The following STON2 variants were observed in gnomAD, a reference collection of about 807,000 sequenced individuals.
STON2 encodes the protein stonin-2.
A neutral mutation model predicts 65.7 loss-of-function variants in STON2; 29 were observed. The observed-to-expected ratio is 0.44, with a 90% CI of 0.33 to 0.60. The LOEUF (loss-of-function observed/expected upper bound fraction) is 0.60. Ranked by LOEUF, STON2 falls within the 20% of genes least tolerant of loss-of-function variation. The probability of loss-of-function intolerance (pLI) is 0.03; values close to 1 mark genes in which losing one functional copy is unlikely to be tolerated. For synonymous variants in STON2, 404 were observed against 414.2 expected, an observed-to-expected ratio of 0.98 and a Z score of 0.30; for missense variants, 1,054 against 1,118.1, an observed-to-expected ratio of 0.94 and a Z score of 0.82.
chr14:81,361,367 G>A (rs542679350), intron 4 of STON2, among the ~76,000 whole-genome samples: 5 of 152,224 alleles, frequency 3.3e-5, no homozygotes, highest in African/African-American at 9.6e-5. Context: ...ACAGTCATTT[G>A]ATTTTTGACA....
At chr14:81,352,908 A>G (rs1171151021) in intron 4 of STON2, among the ~76,000 whole-genome samples, 1 of 152,208 alleles carries the variant, frequency 6.6e-6, no homozygotes, top group African/African-American at 2.4e-5. Context: ...ATTTTGCTCC[A>G]CACAGATGGT....
Position 81,413,259 on chromosome 14 carries a change from C to T in STON2, c.-199+13843G>A. On this transcript the variant is annotated intron_variant, in intron 2 of 8. Transcript: ENST00000553821. ...GGTTAAAAGCATGGACTGTGCCACC[C>T]ACCAGTGGTCCATCCAAAAACAAGG... 4 of 1,503,798 alleles carry T rather than the reference C, an allele frequency of 2.7e-6. 1 individual carries two copies. The highest frequency in any genetic ancestry group is 3.5e-6 in the Non-Finnish European group (4 of 1,138,574). 93.2% of individuals were successfully genotyped at this position (1,503,798 alleles called of 1,614,324 possible). A position where few individuals can be genotyped will look rare whatever the true frequency, so the allele number is the denominator to read the frequency against.
chr14:81,350,398 C>T (rs1897978695), intron 4 of STON2, among the ~76,000 whole-genome samples: 1 of 151,954 alleles, frequency 6.6e-6, no homozygotes, highest in Non-Finnish European at 1.5e-5. Context: ...GGGCTTCCAT[C>T]TCCATTGGCT....
intron 1 of STON2, among the ~76,000 whole-genome samples, 162 bp from the exon 2 acceptor site, chr14:81,398,742 C>T (rs760636388): frequency 6.6e-6 from 1 of 152,196 alleles, no homozygotes; most frequent in African/African-American, 2.4e-5. Context: ...ACCTTTTATA[C>T]TGAAATGTCT....
chr14:81,407,557 G>A (rs991398571), intron 2 of STON2, among the ~76,000 whole-genome samples: 12 of 152,056 alleles, frequency 7.9e-5, no homozygotes, highest in East Asian at 1.9e-4. Context: ...TATGAAAATC[G>A]CCACATCCAC....
chr14:81,324,051 G>A lies in STON2; in HGVS notation c.708C>T (p.Pro236=), dbSNP rs182363073. ...PSPQPKRSQN[P]GEGPEGASAP... is the part of the protein sequence containing the mutation. ...CAGAGGCCCCCTCCGGACCCTCGCC[G>A]GGGTTCTGGCTCCTCTTGGGCTGGG... The change falls in exon 5 of 8, where the codon CCC becomes CCT. Residue 236 remains proline, a synonymous_variant. Coordinates refer to ENST00000614646, the MANE Select transcript of STON2 (RefSeq NM_001394390.1). Among the ~76,000 whole-genome samples the A allele has an allele frequency of 4.7e-4, 71 of 152,338 alleles. No individual in the cohort carries two copies. The highest frequency in any genetic ancestry group is 6.8e-3 in the Middle Eastern group (2 of 294).
chr14:81,406,314 T>A (rs1007150585), intron 2 of STON2, among the ~76,000 whole-genome samples: 1 of 152,224 alleles, frequency 6.6e-6, no homozygotes, highest in Non-Finnish European at 1.5e-5. Flanking sequence ...GGCTTGGTTC[T>A]AGGCTTTGCT....
chr14:81,300,715 T>C (rs1682742455), intron 5 of STON2, among the ~76,000 whole-genome samples: 1 of 152,178 alleles, frequency 6.6e-6, no homozygotes, highest in Admixed American at 6.5e-5. Context: ...GCGTCATTGG[T>C]GAGAGTATAA....
chr14:81,428,786 CAAAT>C (rs1902104248), intron 1 of STON2, among the ~76,000 whole-genome samples: 1 of 152,116 alleles, frequency 6.6e-6, no homozygotes, highest in Admixed American at 6.6e-5. Flanking sequence ...CTAAGGCAAA[CAAAT>C]AAAATCTGTT....
At chr14:81,395,130 C>G (rs1398418036) in intron 3 of STON2, 1 of 152,170 alleles carries the variant, frequency 6.6e-6, no homozygotes, top group African/African-American at 2.4e-5. Context: ...ACCATCCCTA[C>G]CCATGAGGAT....
chr14:81,268,658 G>A (rs1231916558), intron 7 of STON2, 161 bp from the exon 8 acceptor site: 1 of 983,694 alleles, frequency 1.0e-6, no homozygotes, highest in Non-Finnish European at 1.2e-6. Context: ...AGTATATCAT[G>A]TCTCTCTCTT....
chr14:81,364,367 G>A (rs998607992), intron 4 of STON2, among the ~76,000 whole-genome samples: 1 of 152,168 alleles, frequency 6.6e-6, no homozygotes, highest in Non-Finnish European at 1.5e-5. Context: ...AGGTTCAGCA[G>A]AGCAAGAGAC....
At chr14:81,340,226 T>C (rs978321785) in intron 4 of STON2, among the ~76,000 whole-genome samples, 5 of 152,094 alleles carry the variant, frequency 3.3e-5, no homozygotes, top group African/African-American at 1.2e-4. Flanking sequence ...AGTCCATGTA[T>C]ACAAAATTCT....
chr14:81,424,559 T>C (rs1157374455), intron 2 of STON2, among the ~76,000 whole-genome samples: 4 of 151,836 alleles, frequency 2.6e-5, no homozygotes, highest in Non-Finnish European at 1.5e-5. Flanking sequence ...TCTACAATGA[T>C]ATGATTTTTA....
In STON2 at chr14:81,398,283, G is replaced by A. The variant is rs1469997388; in HGVS notation, c.88+12C>T. Reference sequence around the variant, plus strand: ...CAATCTCTTCACTTTAGGAAACGAAGGCACTCCTTACCCTGCGAGTGGGCA... The same window carrying A: ...CAATCTCTTCACTTTAGGAAACGAAAGCACTCCTTACCCTGCGAGTGGGCA... On this transcript the variant is annotated intron_variant, in intron 2 of 7. Coordinates refer to ENST00000614646, the MANE Select transcript of STON2 (RefSeq NM_001394390.1). The A allele has an allele frequency of 6.3e-7, 1 of 1,598,876 alleles. No homozygotes were observed. Among genetic ancestry groups the A allele is most frequent in the Non-Finnish European group, 8.6e-7 (1 of 1,168,508 alleles).
chr14:81,431,567 T>G (rs1490839656), intron 1 of STON2, among the ~76,000 whole-genome samples: 1 of 152,004 alleles, frequency 6.6e-6, no homozygotes, highest in Non-Finnish European at 1.5e-5. Flanking sequence ...TTACCTGAGA[T>G]CAGGAGTTCA....
intron 5 of STON2, among the ~76,000 whole-genome samples, chr14:81,319,963 C>G (rs1470631268): frequency 6.6e-6 from 1 of 152,182 alleles, no homozygotes; most frequent in African/African-American, 2.4e-5. Flanking sequence ...GTATAACAAA[C>G]TATTCCAAAA....
In STON2 at chr14:81,267,658, G is replaced by A. The variant is rs1344473898; in HGVS notation, c.*756C>T. 2 of 984,748 alleles carry A rather than the reference G, an allele frequency of 2.0e-6. No individual in the cohort carries two copies. The highest frequency in any genetic ancestry group is 3.5e-5 in the African/African-American group (2 of 57,194). The allele number at this position is 984,748 out of a possible 1,614,324, so 61.0% of individuals were successfully genotyped here. ...TAATGTCTCTTTTCTCCAAAATGAA[G>A]AAAACTAAGATTAATTTTGCCTTCC... On this transcript the variant is annotated 3_prime_UTR_variant, in exon 8 of 8. Transcript: ENST00000614646.
At position 81,277,827 on chromosome 14, in the gene STON2, C is replaced by T; in HGVS notation, c.1655G>A (p.Arg552Lys). 3.1e-6 allele frequency: 5 copies of T among 1,614,160 alleles called. No homozygotes were observed. Among genetic ancestry groups the T allele is most frequent in the Non-Finnish European group, 4.2e-6 (5 of 1,180,036 alleles). The part of the protein sequence containing the change: ...PRLQNYDENG[R>K]IHSLRIDRVT... ...ACGGTCTATCCGCAAGCTGTGGATTCTGCCATTCTCATCATAGTTTTGAAG... is the reference window on the plus strand; with the variant it reads ...ACGGTCTATCCGCAAGCTGTGGATTTTGCCATTCTCATCATAGTTTTGAAG... The change falls in exon 6 of 8, where the codon AGA becomes AAA. Residue 552 changes from arginine (R) to lysine (K), a missense_variant. Transcript: ENST00000614646.
Sources: allele counts gnomAD v4.1 joint callset (sites outside exome capture counted in the v4.1 genomes callset), GRCh38; gene constraint gnomAD v4.1.1; transcripts MANE v1.5; gene names NCBI Gene and HGNC (gene_info 2026-07-23, HGNC 2026-07-21).